The following SYNDIG1 variants were observed in gnomAD, a reference collection of about 807,000 sequenced individuals.
The protein encoded by SYNDIG1 is synapse differentiation-inducing gene protein 1.
In SYNDIG1, 9 loss-of-function variants were observed where a neutral mutation model predicts 19.4. The ratio of observed to expected loss-of-function variants is 0.46; its 90% CI spans 0.28 to 0.81. SYNDIG1 has a LOEUF of 0.81. SYNDIG1 is among the 30% of genes least tolerant of loss of function. SYNDIG1 has a pLI of 0.12. For missense variants in SYNDIG1, 311 were observed against 343.3 expected (o/e 0.91, Z 0.74); for synonymous variants, 141 against 145.9 (o/e 0.97, Z 0.24).
intron 1 of SYNDIG1, among the ~76,000 whole-genome samples, chr20:24,538,772 C>CA (rs139717092): frequency 0.059 from 6,132 of 104,246 alleles, 371 homozygotes; most frequent in African/African-American, 0.19. Flanking sequence ...TGTTATTTTC[C>CA]GTTTTTTTTT....
chr20:24,480,732 T>C (rs1361126918), intron 1 of SYNDIG1, among the ~76,000 whole-genome samples: 1 of 152,220 alleles, frequency 6.6e-6, no homozygotes, highest in Non-Finnish European at 1.5e-5. Flanking sequence ...GCCAAGAGTC[T>C]ATCAGCAGAT....
intron 2 of SYNDIG1, among the ~76,000 whole-genome samples, chr20:24,552,999 A>T (rs2057736813): frequency 6.6e-6 from 1 of 151,840 alleles, no homozygotes; most frequent in Admixed American, 6.6e-5. Flanking sequence ...AATGATTGCC[A>T]TTCTAACTGG....
chr20:24,535,841 A>G (rs1232694199), intron 1 of SYNDIG1, among the ~76,000 whole-genome samples: 1 of 152,014 alleles, frequency 6.6e-6, no homozygotes, highest in Non-Finnish European at 1.5e-5. Flanking sequence ...CCCTGGCTCT[A>G]TTTGTCAGGG....
At chr20:24,530,742 ACAC>A (rs991923883) in intron 1 of SYNDIG1, among the ~76,000 whole-genome samples, 2 of 152,042 alleles carry the variant, frequency 1.3e-5, no homozygotes, top group African/African-American at 4.8e-5. Context: ...AACATGCCAA[ACAC>A]TCTGGCTAAA....
Position 24,469,776 on chromosome 20 carries a change from C to G in SYNDIG1, c.-79+23C>G, listed in dbSNP as rs954889911. 3.3e-4 allele frequency: 50 copies of G among 151,866 alleles called. 1 individual carries two copies. The highest frequency in any genetic ancestry group is 1.2e-3 in the African/African-American group (48 of 41,504). 9.4% of individuals were successfully genotyped at this position (151,866 alleles called of 1,614,324 possible). A position where few individuals can be genotyped will look rare whatever the true frequency, so the allele number is the denominator to read the frequency against. On this transcript the variant is annotated intron_variant, in intron 1 of 3. Transcript: ENST00000376862. ...GAGGTAAGTCCAGACCTCCCGGCCG[C>G]GGGGGCGGGCGGAGGGGCCCGCAGT...
At chr20:24,568,738 G>T (rs1437127806) in intron 2 of SYNDIG1, among the ~76,000 whole-genome samples, 4 of 152,210 alleles carry the variant, frequency 2.6e-5, no homozygotes, top group Non-Finnish European at 2.9e-5. Flanking sequence ...TGAGCTCAAG[G>T]CAAGAGGTAG....
At chr20:24,653,789 C>T (rs2059496924) in intron 3 of SYNDIG1, among the ~76,000 whole-genome samples, 1 of 152,222 alleles carries the variant, frequency 6.6e-6, no homozygotes, top group Non-Finnish European at 1.5e-5. Context: ...GCTGGATTCT[C>T]CTGAGGCCAC....
At chr20:24,606,948 C>T (rs1357910872) in intron 3 of SYNDIG1, among the ~76,000 whole-genome samples, 1 of 152,210 alleles carries the variant, frequency 6.6e-6, no homozygotes. Flanking sequence ...GCAGTACTGT[C>T]AATAGGGAGT....
chr20:24,657,628 T>C (rs1433849964), intron 3 of SYNDIG1, among the ~76,000 whole-genome samples: 2 of 152,162 alleles, frequency 1.3e-5, no homozygotes, highest in African/African-American at 4.8e-5. Context: ...AAAATAGACC[T>C]GGGCCTAAAT....
chr20:24,600,440 TAGA>T (rs1021065565), intron 3 of SYNDIG1, among the ~76,000 whole-genome samples: 4 of 152,082 alleles, frequency 2.6e-5, no homozygotes, highest in African/African-American at 9.7e-5. Context: ...ACCCCCAGGG[TAGA>T]AGGACTAGCA....
At chr20:24,624,937 C>T (rs182956909) in intron 3 of SYNDIG1, among the ~76,000 whole-genome samples, 3 of 152,242 alleles carry the variant, frequency 2.0e-5, no homozygotes, top group African/African-American at 7.2e-5. Flanking sequence ...GAAAAAAACC[C>T]TTCTCAATAA....
At chr20:24,539,935 C>T (rs748461010) in intron 1 of SYNDIG1, among the ~76,000 whole-genome samples, 3 of 152,044 alleles carry the variant, frequency 2.0e-5, no homozygotes, top group Admixed American at 6.6e-5. Flanking sequence ...CCCACCACCA[C>T]GCCCAGCTAA....
intron 2 of SYNDIG1, among the ~76,000 whole-genome samples, chr20:24,584,033 A>T (rs1361652233): frequency 6.6e-6 from 1 of 152,188 alleles, no homozygotes; most frequent in African/African-American, 2.4e-5. Flanking sequence ...CCTAAAAAAA[A>T]CTTTTTAAAA....
At chr20:24,596,669 G>A (rs760982634) in intron 3 of SYNDIG1, among the ~76,000 whole-genome samples, 3 of 152,228 alleles carry the variant, frequency 2.0e-5, no homozygotes, top group Non-Finnish European at 4.4e-5. Flanking sequence ...ATGAGCCACC[G>A]GGCCTGGCCT....
intron 3 of SYNDIG1, among the ~76,000 whole-genome samples, chr20:24,626,592 C>T (rs1243010561): frequency 6.7e-6 from 1 of 149,346 alleles, no homozygotes; most frequent in Non-Finnish European, 1.5e-5. Context: ...ACTTTCCAGA[C>T]TGGGCAGCCA....
chr20:24,621,832 C>T (rs1271920572), intron 3 of SYNDIG1, among the ~76,000 whole-genome samples: 1 of 152,114 alleles, frequency 6.6e-6, no homozygotes, highest in African/African-American at 2.4e-5. Flanking sequence ...AATCCAAATG[C>T]CAAGAGAAGA....
intron 2 of SYNDIG1, among the ~76,000 whole-genome samples, chr20:24,543,787 G>A (rs1482029081): frequency 2.6e-5 from 4 of 152,188 alleles, no homozygotes; most frequent in East Asian, 1.9e-4. Context: ...ACCCAGGGGC[G>A]CTTCACCGGT....
intron 2 of SYNDIG1, among the ~76,000 whole-genome samples, chr20:24,558,311 T>C (rs1443117309): frequency 6.6e-6 from 1 of 152,236 alleles, no homozygotes; most frequent in African/African-American, 2.4e-5. Context: ...TCCCTCTTTG[T>C]GTCTAATAAT....
chr20:24,505,652 G>A (rs188203324), intron 1 of SYNDIG1, among the ~76,000 whole-genome samples: 115 of 152,282 alleles, frequency 7.6e-4, no homozygotes, highest in African/African-American at 2.6e-3. Context: ...TACTCCACTC[G>A]CCCAGGTCAG....
Sources: gnomAD v4.1 joint callset for allele counts (sites outside exome capture counted in the v4.1 genomes callset) on GRCh38, gnomAD v4.1.1 for gene constraint, MANE v1.5 for transcripts, NCBI Gene and HGNC (gene_info 2026-07-23, HGNC 2026-07-21) for gene names.